UBASH3B: variants seen among roughly 807,000 people sequenced by gnomAD.
UBASH3B encodes ubiquitin-associated and SH3 domain-containing protein B.
In UBASH3B, 37 loss-of-function variants were observed where a neutral mutation model predicts 83.4. That is an observed-to-expected ratio of 0.44 (90% confidence interval 0.34 to 0.58). The LOEUF (loss-of-function observed/expected upper bound fraction) is 0.58. Ranked by LOEUF, UBASH3B falls within the 20% of genes least tolerant of loss-of-function variation. The probability of loss-of-function intolerance (pLI) is 0.01; values close to 1 mark genes in which losing one functional copy is unlikely to be tolerated. For synonymous variants in UBASH3B, 304 were observed against 318.3 expected (o/e 0.96, Z 0.48); for missense variants, 657 against 827.2 (o/e 0.79, Z 2.52).
At chr11:122,688,868 T>A (rs1187343309) in intron 1 of UBASH3B, among the ~76,000 whole-genome samples, 2 of 151,954 alleles carry the variant, frequency 1.3e-5, no homozygotes, top group East Asian at 1.9e-4. Flanking sequence ...ATGGTGTCGA[T>A]CTCCTGACCT....
chr11:122,795,021 C>G (rs1667395618), intron 7 of UBASH3B, among the ~76,000 whole-genome samples, 187 bp downstream of exon 7: 1 of 152,270 alleles, frequency 6.6e-6, no homozygotes, highest in South Asian at 2.1e-4. Flanking sequence ...GCAGTACTGA[C>G]AGTTACTTCC....
At chr11:122,675,393 G>C (rs1031021557) in intron 1 of UBASH3B, among the ~76,000 whole-genome samples, 1 of 152,234 alleles carries the variant, frequency 6.6e-6, no homozygotes, top group African/African-American at 2.4e-5. Context: ...CTGAGAAAGA[G>C]AAAGGTGACG....
intron 1 of UBASH3B, among the ~76,000 whole-genome samples, chr11:122,711,640 G>T (rs1354164706): frequency 6.6e-6 from 1 of 152,226 alleles, no homozygotes; most frequent in Non-Finnish European, 1.5e-5. Context: ...ACTACCTCAT[G>T]CTGTGTAACG....
intron 1 of UBASH3B, among the ~76,000 whole-genome samples, chr11:122,713,108 C>T (rs1330041332): frequency 6.6e-6 from 1 of 151,776 alleles, no homozygotes; most frequent in Non-Finnish European, 1.5e-5. Flanking sequence ...GGGGTTTCAC[C>T]ATGTTAGCCA....
chr11:122,723,527 C>A (rs1396262711), intron 1 of UBASH3B, among the ~76,000 whole-genome samples: 1 of 152,196 alleles, frequency 6.6e-6, no homozygotes, highest in Non-Finnish European at 1.5e-5. Context: ...TCTGTTCTTC[C>A]CTGCGAGCAG....
chr11:122,703,307 G>A (rs1435300230), intron 1 of UBASH3B, among the ~76,000 whole-genome samples: 2 of 151,862 alleles, frequency 1.3e-5, no homozygotes, highest in Admixed American at 1.3e-4. Flanking sequence ...GGTGCCTGTA[G>A]TCCCAGCTAC....
intron 1 of UBASH3B, among the ~76,000 whole-genome samples, chr11:122,767,335 G>GTC (rs57288940): frequency 0.97 from 146,291 of 151,252 alleles, 70,925 homozygotes; most frequent in Middle Eastern, 1. Flanking sequence ...TTGAGATGGA[G>GTC]TCTCTCTCTC....
At chr11:122,723,831 AG>A (rs1326894831) in intron 1 of UBASH3B, among the ~76,000 whole-genome samples, 2 of 152,264 alleles carry the variant, frequency 1.3e-5, no homozygotes, top group South Asian at 2.1e-4. Context: ...GGAAGGAGGC[AG>A]GGTGGCCCTG....
chr11:122,713,984 A>G (rs947338107), intron 1 of UBASH3B, among the ~76,000 whole-genome samples: 1 of 152,180 alleles, frequency 6.6e-6, no homozygotes, highest in Non-Finnish European at 1.5e-5. Context: ...TATCAGGGGC[A>G]TGGATAATCA....
At chr11:122,777,246 C>A in intron 3 of UBASH3B, 36 bp downstream of exon 3, 1 of 1,576,040 alleles carries the variant, frequency 6.3e-7, no homozygotes. Flanking sequence ...GGAAGCCTGG[C>A]TCCTAGGATC....
intron 6 of UBASH3B, among the ~76,000 whole-genome samples, chr11:122,791,861 G>A (rs1861059543): frequency 6.6e-6 from 1 of 152,248 alleles, no homozygotes; most frequent in South Asian, 2.1e-4. Flanking sequence ...ACTAACTGGA[G>A]TGTCTTACTT....
rs1169540451 is a variant in UBASH3B at position 122,761,976 on chromosome 11, G to C, written c.162-14243G>C. Among the ~76,000 whole-genome samples the C allele has an allele frequency of 2.6e-5, 4 of 151,964 alleles. No homozygotes were observed. In the East Asian group the frequency reaches 7.8e-4, roughly 29 times the overall value. ...CCAGCTAATTTTTGTATTTTTATTAGAGATGGAGTTTCACCATGTTGGCCA... is the reference window on the plus strand; with the variant it reads ...CCAGCTAATTTTTGTATTTTTATTACAGATGGAGTTTCACCATGTTGGCCA... On this transcript the variant is annotated intron_variant, in intron 1 of 13. Transcript: ENST00000284273.
chr11:122,747,615 C>T (rs1861139369), intron 1 of UBASH3B, among the ~76,000 whole-genome samples: 1 of 152,164 alleles, frequency 6.6e-6, no homozygotes, highest in Non-Finnish European at 1.5e-5. Context: ...GCATCTGCAG[C>T]TGGAGTGATG....
At chr11:122,656,269 G>A in intron 1 of UBASH3B, 59 bp downstream of exon 1, 10 of 1,313,436 alleles carry the variant, frequency 7.6e-6, no homozygotes, top group Non-Finnish European at 9.8e-6. Flanking sequence ...CCGGCCCTCG[G>A]CTTCGCTCCG....
chr11:122,673,803 G>A (rs1863631600), intron 1 of UBASH3B, among the ~76,000 whole-genome samples: 1 of 152,204 alleles, frequency 6.6e-6, no homozygotes. Flanking sequence ...TTTCTGCAGA[G>A]GGGATTTTCT....
chr11:122,773,936 T>C (rs1860690470), intron 1 of UBASH3B: 2 of 982,136 alleles, frequency 2.0e-6, no homozygotes, highest in Non-Finnish European at 2.4e-6. Flanking sequence ...ACAAATGCGT[T>C]TTCCTTTTCC....
At chr11:122,719,639 T>G in intron 1 of UBASH3B, among the ~76,000 whole-genome samples, 1 of 152,198 alleles carries the variant, frequency 6.6e-6, no homozygotes, top group Admixed American at 6.5e-5. Flanking sequence ...CTGTTTCTCT[T>G]CTTGCAAAAC....
chr11:122,781,862 G>A (rs1385176305), intron 4 of UBASH3B, among the ~76,000 whole-genome samples: 1 of 152,146 alleles, frequency 6.6e-6, no homozygotes, highest in Non-Finnish European at 1.5e-5. Context: ...GTAAGCGAGA[G>A]ACAAAAACCT....
chr11:122,673,837 T>A (rs572017921), intron 1 of UBASH3B, among the ~76,000 whole-genome samples: 4 of 152,220 alleles, frequency 2.6e-5, no homozygotes, highest in Non-Finnish European at 5.9e-5. Context: ...AAGAAGATCA[T>A]GATGAAGAAG....
Sources: gnomAD v4.1 joint callset for allele counts (sites outside exome capture counted in the v4.1 genomes callset) on GRCh38, gnomAD v4.1.1 for gene constraint, MANE v1.5 for transcripts, NCBI Gene and HGNC (gene_info 2026-07-23, HGNC 2026-07-21) for gene names.